Variants in ZNF221 observed in about 807,000 individuals in gnomAD.
The protein encoded by ZNF221 is zinc finger protein 221.
A neutral mutation model predicts 12.6 loss-of-function variants in ZNF221; 10 were observed. That is an observed-to-expected ratio of 0.79 (90% CI 0.49 to 1.34). The LOEUF (loss-of-function observed/expected upper bound fraction) is 1.34. Ranked by LOEUF, ZNF221 falls within the 40% of genes most tolerant of loss-of-function variation. The pLI is 0.00. For synonymous variants in ZNF221, 232 were observed against 244.0 expected (o/e 0.95, Z 0.46); for missense variants, 661 against 721.4 (o/e 0.92, Z 0.96).
intron 1 of ZNF221, among the ~76,000 whole-genome samples, chr19:43,957,776 A>G (rs1412807526): frequency 6.6e-6 from 1 of 152,224 alleles, no homozygotes; most frequent in East Asian, 1.9e-4. Context: ...TAAGGCTTCT[A>G]GGACTGTTGT....
At position 43,966,401 on chromosome 19, in the gene ZNF221, A is replaced by G. The variant is rs1413886608; in HGVS notation, c.899A>G (p.His300Arg). 11 of 1,614,146 alleles carry G rather than the reference A, an allele frequency of 6.8e-6. No individual in the cohort carries two copies. The highest frequency in any genetic ancestry group is 9.3e-6 in the Non-Finnish European group (11 of 1,180,000). ...ATTCATGATTCACAGCTTCAAGAAC[A>G]TCAGAGAATCCATACTGGGGAGAAG... ...AFIHDSQLQE[H>R]QRIHTGEKPF... Residue 300 changes from histidine (H) to arginine (R), a missense_variant, in exon 5 of 5, where the codon CAT (histidine) becomes CGT (arginine). Transcript: ENST00000587682.
At position 43,965,268 on chromosome 19, in the gene ZNF221, T is replaced by G. The variant is rs760629666; in HGVS notation, c.244T>G (p.Leu82Val). 24 of 1,613,668 alleles carry G rather than the reference T, an allele frequency of 1.5e-5. 1 individual carries two copies. In the Middle Eastern group the frequency reaches 1.2e-3, roughly 78 times the overall value. ...QPFHQDTFHF[L>V]GKEKFWKMKT... ...ATTCCACCAAGATACTTTCCACTTC[T>G]TAGGGAAGGAAAAGTTTTGGAAGAT... Residue 82 changes from leucine to valine, a missense_variant, in exon 4 of 5, where the codon TTA becomes GTA. Physicochemically the swap from Leu to Val is conservative, Grantham distance 32. Transcript: ENST00000587682.
chr19:43,960,113 AT>A (rs796707779), intron 1 of ZNF221: 8 of 152,276 alleles, frequency 5.3e-5, no homozygotes, highest in African/African-American at 1.9e-4. Context: ...TGAGGAAGTT[AT>A]TGGGAACTGG....
At chr19:43,951,796 T>A (rs1196017611) in intron 1 of ZNF221, among the ~76,000 whole-genome samples, 1 of 149,768 alleles carries the variant, frequency 6.7e-6, no homozygotes, top group Non-Finnish European at 1.5e-5. Context: ...TCCAGCTGGC[T>A]CTTCTCTCTG....
intron 1 of ZNF221, 128 bp from the exon 2 acceptor site, chr19:43,962,597 G>C: frequency 1.1e-6 from 1 of 882,630 alleles, no homozygotes; most frequent in Non-Finnish European, 1.9e-6. Flanking sequence ...CTTGTTTGCA[G>C]TTTGGGGTTA....
intron 1 of ZNF221, among the ~76,000 whole-genome samples, chr19:43,958,284 T>G (rs1227434589): frequency 1.3e-5 from 2 of 152,180 alleles, no homozygotes. Context: ...GGGGTATCCA[T>G]GCGAAAGGGG....
At chr19:43,965,748 G>A in intron 4 of ZNF221, 56 bp from the exon 5 acceptor site, 1 of 1,457,186 alleles carries the variant, frequency 6.9e-7, no homozygotes. Flanking sequence ...GTGAAATCTT[G>A]AAAACATTGA....
the ZNF221 span, among the ~76,000 whole-genome samples, chr19:43,978,919 A>T: frequency 1.1e-5 from 1 of 92,260 alleles, no homozygotes. Context: ...ATGCCACAAC[A>T]TTTGTGTGTG....
Position 43,966,363 on chromosome 19 carries a change from TG to T in ZNF221, c.864del (p.Ala290ProfsTer72). The part of the protein sequence containing the change: ...GEKPYNCEEC[G>X]KAFIHDSQLQ... ...AGAAACCTTATAATTGTGAGGAATG[TG>T]GGAAAGCCTTCATTCATGATTCACA... On this transcript the variant is annotated frameshift_variant, in exon 5 of 5. Transcript: ENST00000587682. LOFTEE classifies it low-confidence loss of function (END_TRUNC). 2 of 1,614,152 alleles carry T rather than the reference TG, an allele frequency of 1.2e-6. No homozygotes were observed. The highest frequency in any genetic ancestry group is 1.7e-6 in the Non-Finnish European group (2 of 1,180,002).
chr19:43,952,149 A>T (rs558651659), intron 1 of ZNF221, among the ~76,000 whole-genome samples: 1 of 151,852 alleles, frequency 6.6e-6, no homozygotes, highest in African/African-American at 2.4e-5. Flanking sequence ...CTGGGATTAC[A>T]GGCGTGAGCC....
rs149259719 is a variant in ZNF221 at position 43,959,381 on chromosome 19, C to T, written c.-2-3344C>T. 3.6e-3 allele frequency among the ~76,000 whole-genome samples: 546 copies of T among 152,252 alleles called. 5 individuals are homozygous for T. The highest frequency in any genetic ancestry group is 0.013 in the African/African-American group (521 of 41,536). The stretch of plus-strand genomic sequence containing the variant: ...GCTAAAGCTTAGATTCACTAAAATT[C>T]GAACTTGGTCAAGCATCAGAGTCCA... On this transcript the variant is annotated intron_variant, in intron 1 of 4. Transcript: ENST00000587682.
At chr19:43,952,369 G>C (rs970873393) in intron 1 of ZNF221, among the ~76,000 whole-genome samples, 2 of 152,174 alleles carry the variant, frequency 1.3e-5, no homozygotes, top group Non-Finnish European at 2.9e-5. Flanking sequence ...AAAGCTCCAC[G>C]CGAGTGTGAC....
chr19:43,979,643 A>G, the ZNF221 span, among the ~76,000 whole-genome samples: 1 of 152,210 alleles, frequency 6.6e-6, no homozygotes, highest in Admixed American at 6.5e-5. Context: ...ATCCTGGGGT[A>G]TAGCCATATG....
At chr19:43,963,597 GA>G (rs1157637511) in intron 2 of ZNF221, among the ~76,000 whole-genome samples, 1 of 152,124 alleles carries the variant, frequency 6.6e-6, no homozygotes, top group East Asian at 1.9e-4. Context: ...ACCTTCATTT[GA>G]AATGTCCAGT....
chr19:43,961,512 A>G (rs1043586090), intron 1 of ZNF221, among the ~76,000 whole-genome samples: 2 of 152,200 alleles, frequency 1.3e-5, no homozygotes, highest in Non-Finnish European at 2.9e-5. Context: ...AATACTAGAT[A>G]TCAATTAAAA....
In ZNF221 at chr19:43,962,881, G is replaced by A. The variant is rs540789766; in HGVS notation, c.81+74G>A. The A allele has an allele frequency of 1.6e-4, 224 of 1,421,822 alleles. 1 individual carries two copies. In the South Asian group the frequency reaches 2.8e-3, roughly 18 times the overall value. The allele number at this position is 1,421,822 out of a possible 1,614,324, so 88.1% of individuals were successfully genotyped here. A position where few individuals can be genotyped will look rare whatever the true frequency, so the allele number is the denominator to read the frequency against. ...ATATTGTCACATTTTTATCTGTCTT[G>A]GGAAGACTCAAGGAGAACAACAAGC... is the stretch of plus-strand genomic sequence containing the variant. On this transcript the variant is annotated intron_variant, in intron 2 of 4. Coordinates refer to ENST00000587682, the MANE Select transcript of ZNF221 (RefSeq NM_001297588.2).
At chr19:43,970,287 G>A (rs1344385619), downstream of ZNF221, among the ~76,000 whole-genome samples, 2 of 152,264 alleles carry the variant, frequency 1.3e-5, no homozygotes, top group South Asian at 2.1e-4. Flanking sequence ...AAGATTGAAG[G>A]TAGGTAAGCC....
At chr19:43,977,199 T>A in the ZNF221 span, 8 of 152,358 alleles carry the variant, frequency 5.3e-5, no homozygotes, top group South Asian at 1.7e-3. Flanking sequence ...TATTCTGACA[T>A]TTTCCCTGGC....
At chr19:43,973,986 A>G in the ZNF221 span, among the ~76,000 whole-genome samples, 1 of 152,220 alleles carries the variant, frequency 6.6e-6, no homozygotes, top group Non-Finnish European at 1.5e-5. Flanking sequence ...GCATTATGCA[A>G]CCCAACTTCA....
Sources: allele counts gnomAD v4.1 joint callset (sites outside exome capture counted in the v4.1 genomes callset), GRCh38; gene constraint gnomAD v4.1.1; transcripts MANE v1.5; gene names NCBI Gene and HGNC (gene_info 2026-07-23, HGNC 2026-07-21).